Variants in MAP2K6 observed in about 807,000 individuals in gnomAD.
The protein encoded by MAP2K6 is mitogen-activated protein kinase kinase 6, also known as dual specificity mitogen-activated protein kinase kinase 6.
MAP2K6 carries 16 observed loss-of-function variants against 53.7 expected under a neutral mutation model. The ratio of observed to expected loss-of-function variants is 0.30; its 90% CI spans 0.20 to 0.45. MAP2K6 has a LOEUF of 0.45. Among genes scored for constraint, MAP2K6 ranks in the 20% least tolerant of loss-of-function variants. The pLI is 1.00. For missense variants in MAP2K6, 204 were observed against 411.9 expected (o/e 0.50, Z 4.37); for synonymous variants, 132 against 143.1 (o/e 0.92, Z 0.55).
At chr17:69,519,045 A>G (rs1427646723) in intron 4 of MAP2K6, among the ~76,000 whole-genome samples, 1 of 152,234 alleles carries the variant, frequency 6.6e-6, no homozygotes, top group Admixed American at 6.5e-5. Flanking sequence ...GATTGTTTTC[A>G]TACCTTGGAA....
intron 10 of MAP2K6, among the ~76,000 whole-genome samples, chr17:69,535,362 G>A (rs868421992): frequency 5.3e-5 from 8 of 152,134 alleles, no homozygotes; most frequent in Admixed American, 2.0e-4. Context: ...GAAGGCTGAG[G>A]CAGGTGGATC....
intron 1 of MAP2K6, among the ~76,000 whole-genome samples, chr17:69,432,131 C>T (rs1349661766): frequency 2.0e-5 from 3 of 152,114 alleles, no homozygotes; most frequent in African/African-American, 2.4e-5. Context: ...ATGAAAGGAA[C>T]GAATATGGCT....
At chr17:69,422,183 G>A (rs973620768) in intron 1 of MAP2K6, among the ~76,000 whole-genome samples, 1 of 138,536 alleles carries the variant, frequency 7.2e-6, no homozygotes, top group East Asian at 2.1e-4. Flanking sequence ...CCAGACTGGA[G>A]TGCAGTGGTG....
rs145751892 is a variant in MAP2K6, at chr17:69,506,973, T to C, written c.83+1127T>C. Among the ~76,000 whole-genome samples, 430 of 152,178 alleles carry C rather than the reference T, an allele frequency of 2.8e-3. 1 individual carries two copies. The highest frequency in any genetic ancestry group is 0.01 in the Middle Eastern group (3 of 294). ...TTTCTCTTTTTTTTTTCTTTTTTTT[T>C]CGGTCTCTCTGAGCAATTTCTTTTT... On this transcript the variant is annotated intron_variant, in intron 2 of 11. Coordinates refer to ENST00000590474, the MANE Select transcript of MAP2K6 (RefSeq NM_002758.4).
At chr17:69,525,427 G>A (rs530688697) in intron 9 of MAP2K6, among the ~76,000 whole-genome samples, 1 of 152,310 alleles carries the variant, frequency 6.6e-6, no homozygotes, top group African/African-American at 2.4e-5. Flanking sequence ...TATTGGAGAA[G>A]TAGAAGTCAA....
intron 1 of MAP2K6, among the ~76,000 whole-genome samples, chr17:69,463,019 C>A (rs559322951): frequency 1.4e-5 from 2 of 143,776 alleles, no homozygotes; most frequent in South Asian, 4.5e-4. Context: ...TAAATCCATA[C>A]GGTCAGGATT....
rs1430826631 is a variant in MAP2K6, at chr17:69,533,222, A to G, written c.882-2893A>G. 3.3e-5 allele frequency among the ~76,000 whole-genome samples: 5 copies of G among 152,338 alleles called. No individual in the cohort carries two copies. The South Asian group carries it at 6.2e-4, about 19-fold the overall frequency. ...ACAAAGTGTTGGGATTACAGGCATT[A>G]GCCACTGCACCTGGTCGAGAAATCT... On this transcript the variant is annotated intron_variant, in intron 10 of 11. Coordinates refer to ENST00000590474, the MANE Select transcript of MAP2K6 (RefSeq NM_002758.4).
chr17:69,434,126 C>G (rs1412598112), intron 1 of MAP2K6: 1 of 152,166 alleles, frequency 6.6e-6, no homozygotes, highest in Non-Finnish European at 1.5e-5. Flanking sequence ...AAGAGCTTTC[C>G]TCTGGCAAAT....
At chr17:69,530,661 A>G (rs545834469) in intron 10 of MAP2K6, among the ~76,000 whole-genome samples, 3 of 152,262 alleles carry the variant, frequency 2.0e-5, no homozygotes, top group South Asian at 4.1e-4. Flanking sequence ...AACCACCAAT[A>G]TATTTTCTTT....
At chr17:69,438,036 A>C (rs1379526288) in intron 1 of MAP2K6, among the ~76,000 whole-genome samples, 1 of 152,252 alleles carries the variant, frequency 6.6e-6, no homozygotes, top group African/African-American at 2.4e-5. Context: ...AATTACACGT[A>C]AGTGTAGCTA....
chr17:69,455,984 T>C (rs11655107), intron 1 of MAP2K6, among the ~76,000 whole-genome samples: 36,367 of 150,766 alleles, frequency 0.24, 4,554 homozygotes, highest in Middle Eastern at 0.3. Context: ...CCTCAGCCTC[T>C]CGAGTAGCTG....
At chr17:69,429,898 G>T (rs532298330) in intron 1 of MAP2K6, among the ~76,000 whole-genome samples, 7 of 152,188 alleles carry the variant, frequency 4.6e-5, no homozygotes, top group Non-Finnish European at 1.0e-4. Context: ...GGGGTGTGGG[G>T]CCTGGGCATC....
At chr17:69,528,617 G>A (rs1910910095) in intron 10 of MAP2K6, among the ~76,000 whole-genome samples, 1 of 152,074 alleles carries the variant, frequency 6.6e-6, no homozygotes, top group African/African-American at 2.4e-5. Flanking sequence ...CCAGCACTTT[G>A]GGAGGCCAAG....
intron 11 of MAP2K6, among the ~76,000 whole-genome samples, chr17:69,538,086 T>C (rs1911442109): frequency 6.6e-6 from 1 of 152,082 alleles, no homozygotes; most frequent in Non-Finnish European, 1.5e-5. Context: ...CCCAGGCTGG[T>C]CTCGAAGTCG....
At position 69,527,198 on chromosome 17, in the gene MAP2K6, C is replaced by T. The variant is rs1002887886; in HGVS notation, c.881+489C>T. On this transcript the variant is annotated intron_variant, in intron 10 of 11. Transcript: ENST00000590474. ...ATAAAGAGAAAGCTGATAGGACCCACTAGAGGCCTGGGGATAGGAAGTAGA... is the reference window on the plus strand; with the variant it reads ...ATAAAGAGAAAGCTGATAGGACCCATTAGAGGCCTGGGGATAGGAAGTAGA... Among the ~76,000 whole-genome samples, 5 of 152,174 alleles carry T rather than the reference C, an allele frequency of 3.3e-5. No individual in the cohort carries two copies. In the South Asian group the frequency reaches 1.0e-3, roughly 32 times the overall value.
chr17:69,502,626 A>G, intron 1 of MAP2K6: 1 of 985,368 alleles, frequency 1.0e-6, no homozygotes, highest in Non-Finnish European at 1.2e-6. Flanking sequence ...TACATAGTCA[A>G]GGGTTTAGAG....
intron 2 of MAP2K6, among the ~76,000 whole-genome samples, chr17:69,507,383 C>T (rs1359279700): frequency 6.6e-6 from 1 of 151,994 alleles, no homozygotes; most frequent in Non-Finnish European, 1.5e-5. Context: ...AAGTTTATCA[C>T]ATTGTGTAAG....
At chr17:69,522,885 T>G (rs1258764659) in intron 7 of MAP2K6, among the ~76,000 whole-genome samples, 2 of 138,310 alleles carry the variant, frequency 1.4e-5, no homozygotes, top group African/African-American at 2.8e-5. Context: ...AGACATCCTG[T>G]CTGTCAAAAA....
intron 2 of MAP2K6, among the ~76,000 whole-genome samples, chr17:69,509,752 C>T (rs1189909481): frequency 1.3e-5 from 2 of 152,046 alleles, no homozygotes; most frequent in African/African-American, 4.8e-5. Flanking sequence ...ATGAAGCGAA[C>T]TGTAGGTTTT....
Sources: allele counts gnomAD v4.1 joint callset (sites outside exome capture counted in the v4.1 genomes callset), GRCh38; gene constraint gnomAD v4.1.1; transcripts MANE v1.5; gene names NCBI Gene and HGNC (gene_info 2026-07-23, HGNC 2026-07-21).